The following ST7 variants were observed in gnomAD, a reference collection of about 807,000 sequenced individuals.
The protein encoded by ST7 is suppression of tumorigenicity 7.
In ST7, 28 loss-of-function variants were observed where a neutral mutation model predicts 78.7. The observed-to-expected ratio is 0.36, with a 90% CI of 0.26 to 0.49. The LOEUF is 0.49. ST7 is among the 20% of genes least tolerant of loss of function. The pLI, the probability that ST7 is intolerant of heterozygous loss-of-function variation, is 0.99. For synonymous variants in ST7, 247 were observed against 249.6 expected (o/e 0.99, Z 0.10); for missense variants, 418 against 696.0 (o/e 0.60, Z 4.49).
intron 1 of ST7, among the ~76,000 whole-genome samples, chr7:116,992,093 A>G (rs999625027): frequency 1.3e-5 from 2 of 152,118 alleles, no homozygotes; most frequent in South Asian, 2.1e-4. Flanking sequence ...CACTGCTTTC[A>G]TGGGCTGGTG....
chr7:116,996,934 A>T (rs1248878081), intron 1 of ST7, among the ~76,000 whole-genome samples: 1 of 152,208 alleles, frequency 6.6e-6, no homozygotes, highest in Non-Finnish European at 1.5e-5. Flanking sequence ...GACCTTCTAG[A>T]AGAGTCACAA....
intron 2 of ST7, among the ~76,000 whole-genome samples, chr7:117,116,167 G>C (rs1422919486): frequency 6.6e-6 from 1 of 152,046 alleles, no homozygotes; most frequent in Non-Finnish European, 1.5e-5. Flanking sequence ...ACCCTCTCAG[G>C]GGCAGAGCAT....
At chr7:116,972,928 C>T (rs1793506436) in intron 1 of ST7, 1 of 1,287,886 alleles carries the variant, frequency 7.8e-7, no homozygotes, top group African/African-American at 1.5e-5. Flanking sequence ...CACTCAGCTA[C>T]TGCTCGCACT....
At chr7:117,146,228 C>T (rs1374307877) in intron 9 of ST7, 1 of 152,168 alleles carries the variant, frequency 6.6e-6, no homozygotes, top group Non-Finnish European at 1.5e-5. Context: ...TCTACAGTGC[C>T]ATCGCACTGT....
intron 1 of ST7, chr7:117,015,063 A>G: frequency 1.0e-6 from 1 of 965,760 alleles, no homozygotes; most frequent in Non-Finnish European, 1.4e-6. Context: ...TTACTTTAAA[A>G]ATAATATTTT....
At chr7:117,210,596 G>A (rs761794790) in intron 13 of ST7, among the ~76,000 whole-genome samples, 2 of 152,314 alleles carry the variant, frequency 1.3e-5, no homozygotes, top group Non-Finnish European at 2.9e-5. Flanking sequence ...CCAGCAGCAC[G>A]TGGCAGCTGC....
intron 1 of ST7, among the ~76,000 whole-genome samples, chr7:117,083,851 C>CTG (rs57575723): frequency 0.072 from 10,906 of 152,164 alleles, 599 homozygotes; most frequent in African/African-American, 0.14. Context: ...GGAGGCAGCA[C>CTG]TAAGGCAAGC....
chr7:117,169,143 T>C (rs1044888369), intron 9 of ST7, among the ~76,000 whole-genome samples: 1 of 150,834 alleles, frequency 6.6e-6, no homozygotes, highest in African/African-American at 2.4e-5. Flanking sequence ...CTTCCTTTTT[T>C]TTTTTTTTTT....
intron 1 of ST7, among the ~76,000 whole-genome samples, chr7:117,042,085 A>G (rs867016237): frequency 2.6e-4 from 39 of 152,208 alleles, no homozygotes; most frequent in Admixed American, 1.5e-3. Context: ...TAATAAATAC[A>G]CATACGTATT....
intron 1 of ST7, among the ~76,000 whole-genome samples, chr7:116,973,445 T>TG (rs1465060399): frequency 6.6e-6 from 1 of 152,192 alleles, no homozygotes; most frequent in Non-Finnish European, 1.5e-5. Context: ...TTTGTAAAGA[T>TG]GGGGTCTCCC....
intron 9 of ST7, among the ~76,000 whole-genome samples, chr7:117,141,550 A>G (rs771903387): frequency 1.3e-5 from 2 of 152,184 alleles, no homozygotes; most frequent in Non-Finnish European, 2.9e-5. Flanking sequence ...AACTCATTTT[A>G]ATTAGCTTCC....
At chr7:116,963,217 A>G (rs958825892) in intron 1 of ST7, among the ~76,000 whole-genome samples, 1 of 152,208 alleles carries the variant, frequency 6.6e-6, no homozygotes, top group African/African-American at 2.4e-5. Flanking sequence ...TTTGTTGTAA[A>G]TGTGGAATAA....
intron 9 of ST7, among the ~76,000 whole-genome samples, chr7:117,141,573 G>A (rs778786798): frequency 2.6e-5 from 4 of 152,190 alleles, no homozygotes; most frequent in Non-Finnish European, 5.9e-5. Flanking sequence ...TTGCAATCAC[G>A]AATATGGAAG....
chr7:117,181,419 AT>A (rs1363120712), intron 10 of ST7, among the ~76,000 whole-genome samples: 1 of 152,178 alleles, frequency 6.6e-6, no homozygotes, highest in Admixed American at 6.5e-5. Flanking sequence ...TCTGCCACTC[AT>A]TTGTTAGGTG....
intron 1 of ST7, among the ~76,000 whole-genome samples, chr7:117,000,659 G>C (rs1467322682): frequency 6.6e-6 from 1 of 152,170 alleles, no homozygotes; most frequent in East Asian, 1.9e-4. Context: ...TCAGAGCTTT[G>C]TGTGACTTAA....
intron 9 of ST7, among the ~76,000 whole-genome samples, chr7:117,154,536 C>T (rs1455755276): frequency 6.6e-6 from 1 of 152,112 alleles, no homozygotes; most frequent in Non-Finnish European, 1.5e-5. Context: ...TGCCTGCTGA[C>T]TTTTGTTTAC....
chr7:117,147,536 AAAATACT>A (rs1805901005), intron 9 of ST7, among the ~76,000 whole-genome samples: 1 of 151,980 alleles, frequency 6.6e-6, no homozygotes, highest in Non-Finnish European at 1.5e-5. Context: ...TCATAATTTA[AAAATACT>A]ATGTAGTTTT....
At chr7:116,965,520 A>G (rs1452271105) in intron 1 of ST7, among the ~76,000 whole-genome samples, 1 of 152,186 alleles carries the variant, frequency 6.6e-6, no homozygotes. Context: ...GCATATAGGT[A>G]TACCTATGTA....
chr7:117,181,122 A>G (rs1043258703), intron 10 of ST7, among the ~76,000 whole-genome samples: 1 of 152,214 alleles, frequency 6.6e-6, no homozygotes, highest in Non-Finnish European at 1.5e-5. Flanking sequence ...TTGAAATTGC[A>G]ATTAGTCCCA....
Sources: gnomAD v4.1 joint callset for allele counts (sites outside exome capture counted in the v4.1 genomes callset) on GRCh38, gnomAD v4.1.1 for gene constraint, MANE v1.5 for transcripts, NCBI Gene and HGNC (gene_info 2026-07-23, HGNC 2026-07-21) for gene names.